DDX11: variants seen among roughly 807,000 people sequenced by gnomAD.
DDX11 encodes DEAD/H-box helicase 11.
In DDX11, 72 loss-of-function variants were observed where a neutral mutation model predicts 125.2. That is an observed-to-expected ratio of 0.58 (90% CI 0.48 to 0.70). DDX11 has a LOEUF of 0.70. Among genes scored for constraint, DDX11 ranks in the 30% least tolerant of loss-of-function variants. The probability of loss-of-function intolerance (pLI) is 0.00; values close to 1 mark genes in which losing one functional copy is unlikely to be tolerated. For missense variants in DDX11, 883 were observed against 1,165.0 expected (o/e 0.76, Z 3.52); for synonymous variants, 347 against 452.6 (o/e 0.77, Z 2.96).
intron 14 of DDX11, among the ~76,000 whole-genome samples, chr12:31,095,528 C>G (rs1244517840): frequency 1.3e-5 from 2 of 152,190 alleles, no homozygotes; most frequent in Non-Finnish European, 2.9e-5. Context: ...ATCCTGCCTG[C>G]CTTTTTTTTC....
intron 8 of DDX11, 89 bp downstream of exon 8, chr12:31,089,579 A>C: frequency 7.2e-7 from 1 of 1,394,220 alleles, no homozygotes; most frequent in Non-Finnish European, 1.0e-6. Context: ...AGTGTCTTTC[A>C]TAGAAAGAAT....
intron 5 of DDX11, chr12:31,086,277 G>A (rs1943131286): frequency 7.3e-6 from 3 of 411,232 alleles, no homozygotes; most frequent in South Asian, 5.3e-5. Flanking sequence ...TTGTGCTTCT[G>A]TTGTTGCCTC....
Position 31,087,780 on chromosome 12 carries a change from T to C in DDX11, c.639-158T>C. On this transcript the variant is annotated intron_variant, in intron 5 of 26. Transcript: ENST00000542838. ...GGCCATGGGAGGTTGGGGTTGGCAT[T>C]TGCCTGGGGGAGTTTCTGAGCGAGC... 6 of 1,342,330 alleles carry C rather than the reference T, an allele frequency of 4.5e-6. No homozygotes were observed. In the South Asian group the frequency reaches 6.3e-5, roughly 14 times the overall value. 83.2% of individuals were successfully genotyped at this position (1,342,330 alleles called of 1,614,324 possible).
intron 6 of DDX11, 73 bp from the exon 7 acceptor site, chr12:31,088,971 G>A (rs1191830068): frequency 1.5e-5 from 19 of 1,231,682 alleles, no homozygotes; most frequent in Admixed American, 1.0e-4. Context: ...AGGCCCTGGC[G>A]TGCCTTGATG....
chr12:31,087,787 G>A (rs1943419047), intron 5 of DDX11, 151 bp from the exon 6 acceptor site: 1 of 1,381,504 alleles, frequency 7.2e-7, no homozygotes, highest in African/African-American at 1.4e-5. Flanking sequence ...CATTTGCCTG[G>A]GGGAGTTTCT....
chr12:31,087,808 C>G (rs1412244996), intron 5 of DDX11, 130 bp from the exon 6 acceptor site: 10 of 1,468,470 alleles, frequency 6.8e-6, no homozygotes, highest in Non-Finnish European at 7.4e-6. Flanking sequence ...GAGCGAGCAG[C>G]ACCTGCTACC....
chr12:31,077,288 G>A (rs1353128007), intron 1 of DDX11, among the ~76,000 whole-genome samples: 1 of 151,936 alleles, frequency 6.6e-6, no homozygotes, highest in Non-Finnish European at 1.5e-5. Context: ...ATTAGGTTCA[G>A]GAGAGGAGAA....
At position 31,084,074 on chromosome 12, in the gene DDX11, G is replaced by A. The variant is rs1942546978; in HGVS notation, c.393+13G>A. 6.2e-7 allele frequency: 1 copy of A among 1,613,670 alleles called. No individual in the cohort carries two copies. The highest frequency in any genetic ancestry group is 1.3e-5 in the African/African-American group (1 of 74,922). On this transcript the variant is annotated intron_variant, in intron 3 of 26. Coordinates refer to ENST00000542838, the MANE Select transcript of DDX11 (RefSeq NM_030653.4). ...GGACCGACTAAAGGTGAGACCTGGG[G>A]TATCCGGAAGTGGGAGTACTGGAGG...
intron 5 of DDX11, among the ~76,000 whole-genome samples, chr12:31,087,208 T>G: frequency 6.9e-6 from 1 of 144,084 alleles, no homozygotes; most frequent in African/African-American, 2.7e-5. Flanking sequence ...ACAAGAAGAG[T>G]TGTAGCTGGT....
In DDX11 at chr12:31,097,275, G is replaced by A. The variant is rs1945430418; in HGVS notation, c.1762+285G>A. On this transcript the variant is annotated intron_variant, in intron 17 of 26. Transcript: ENST00000542838. ...GGTCCTCTAGGGCAGGGGTCCTAGG[G>A]AAACTTCTACTGTGGGGTAGGTGGG... 3.9e-5 allele frequency among the ~76,000 whole-genome samples: 6 copies of A among 152,082 alleles called. No individual in the cohort carries two copies. In the South Asian group the frequency reaches 1.0e-3, roughly 26 times the overall value.
intron 9 of DDX11, chr12:31,091,142 TTTTATTTTTTA>T (rs1944132043): frequency 6.6e-6 from 1 of 152,240 alleles, no homozygotes; most frequent in Non-Finnish European, 1.5e-5. Context: ...TTTTCCGATA[TTTTATTTTTTA>T]TATGAGTATT....
In DDX11 at chr12:31,085,066, G is replaced by C. The variant is rs1446571086; in HGVS notation, c.578G>C (p.Gly193Ala). 11 of 1,604,654 alleles carry C rather than the reference G, an allele frequency of 6.9e-6. No individual in the cohort carries two copies. The South Asian group carries it at 1.2e-4, about 18-fold the overall frequency. The change falls in exon 5 of 27, where the codon GGG becomes GCG. Residue 193 changes from glycine to alanine, a missense_variant. Transcript: ENST00000542838. ...GAGCGGCTGGAGCAGCTGGAGTCTG[G>C]GGAGGAGGAGCTGGTCCTCGCCGAA... Reference protein sequence around the residue: ...EAERLEQLESGEEELVLAEYE... With the variant: ...EAERLEQLESAEEELVLAEYE...
intron 20 of DDX11, 49 bp from the exon 21 acceptor site, chr12:31,101,784 G>A: frequency 6.2e-7 from 1 of 1,612,992 alleles, no homozygotes. Context: ...GTGGGTGGCT[G>A]AGGGGTTGCT....
chr12:31,099,059 C>T (rs1466905833), intron 18 of DDX11, among the ~76,000 whole-genome samples: 9 of 127,388 alleles, frequency 7.1e-5, no homozygotes, highest in Admixed American at 1.7e-4. Flanking sequence ...AGAATGAATC[C>T]ATACTGGTAT....
At chr12:31,102,072 C>T (rs1946481183) in intron 21 of DDX11, 90 bp downstream of exon 21, 2 of 1,527,528 alleles carry the variant, frequency 1.3e-6, no homozygotes, top group African/African-American at 1.4e-5. Flanking sequence ...TCAGGACAGG[C>T]TTCTGGCTCC....
At chr12:31,077,991 C>T (rs980762535) in intron 1 of DDX11, 26 of 354,832 alleles carry the variant, frequency 7.3e-5, no homozygotes, top group Non-Finnish European at 1.3e-4. Context: ...TGTGAATGTG[C>T]ATTGCAGAGA....
At position 31,089,604 on chromosome 12, in the gene DDX11, CAGTT is replaced by C. The variant is rs1943819675; in HGVS notation, c.880+115_880+118del. ...ATAGAAAGAATGGCAGAGGAGACCC[CAGTT>C]CCTTCCTGAGTCCCCTCTCCTTGGG... On this transcript the variant is annotated intron_variant, in intron 8 of 26. Transcript: ENST00000542838. The C allele has an allele frequency of 2.3e-5, 27 of 1,172,946 alleles. 1 individual carries two copies. In the South Asian group the frequency reaches 3.2e-4, roughly 14 times the overall value. 72.7% of individuals were successfully genotyped at this position (1,172,946 alleles called of 1,614,324 possible). A position where few individuals can be genotyped will look rare whatever the true frequency, so the allele number is the denominator to read the frequency against.
intron 17 of DDX11, among the ~76,000 whole-genome samples, chr12:31,097,201 A>T (rs1355525720): frequency 1.9e-4 from 27 of 144,054 alleles, no homozygotes; most frequent in African/African-American, 6.8e-4. Context: ...TCCCGTGACC[A>T]GGGTAAGCAG....
chr12:31,103,551 G>T, intron 25 of DDX11, 26 bp from the exon 26 acceptor site: 1 of 1,613,710 alleles, frequency 6.2e-7, no homozygotes, highest in Non-Finnish European at 8.5e-7. Context: ...GTGTTGCTCG[G>T]AGCCCCAGCC....
Sources: allele counts gnomAD v4.1 joint callset (sites outside exome capture counted in the v4.1 genomes callset), GRCh38; gene constraint gnomAD v4.1.1; transcripts MANE v1.5; gene names NCBI Gene and HGNC (gene_info 2026-07-23, HGNC 2026-07-21).